Variants in NDST4 observed in about 807,000 individuals in gnomAD.
The protein encoded by NDST4 is N-deacetylase and N-sulfotransferase 4.
In NDST4, 63 loss-of-function variants were observed where a neutral mutation model predicts 100.8. That is an observed-to-expected ratio of 0.62 (90% confidence interval 0.51 to 0.77). The LOEUF (loss-of-function observed/expected upper bound fraction) is 0.77, where lower values mean the gene tolerates loss of function less well. Ranked by LOEUF, NDST4 falls within the 30% of genes least tolerant of loss-of-function variation. NDST4 has a pLI of 0.00. For missense variants in NDST4, 943 were observed against 1,018.4 expected (o/e 0.93, Z 1.01); for synonymous variants, 377 against 361.8 (o/e 1.04, Z -0.48).
chr4:114,979,466 A>T (rs1180686588), intron 2 of NDST4, among the ~76,000 whole-genome samples: 2 of 150,932 alleles, frequency 1.3e-5, no homozygotes, highest in African/African-American at 4.8e-5. Flanking sequence ...AGTATGATAA[A>T]AGTACATACT....
chr4:115,060,368 T>C (rs909857756), intron 2 of NDST4, among the ~76,000 whole-genome samples: 5 of 151,928 alleles, frequency 3.3e-5, no homozygotes, highest in African/African-American at 1.2e-4. Flanking sequence ...ACTGTGAAAA[T>C]GAAAAATGCA....
chr4:114,839,234 G>T, intron 11 of NDST4, 144 bp downstream of exon 11: 1 of 619,042 alleles, frequency 1.6e-6, no homozygotes, highest in Non-Finnish European at 2.5e-6. Context: ...ACTGTCTCTG[G>T]CAATGTTAAT....
At chr4:114,922,995 T>C (rs1725319915) in intron 6 of NDST4, among the ~76,000 whole-genome samples, 1 of 152,116 alleles carries the variant, frequency 6.6e-6, no homozygotes, top group Non-Finnish European at 1.5e-5. Flanking sequence ...AGAGATGAAA[T>C]CTGATAGACA....
At chr4:114,941,035 G>C (rs964080036) in intron 4 of NDST4, among the ~76,000 whole-genome samples, 1 of 152,190 alleles carries the variant, frequency 6.6e-6, no homozygotes, top group African/African-American at 2.4e-5. Flanking sequence ...ACTTTGGGCC[G>C]CAGTCCCAGG....
intron 1 of NDST4, among the ~76,000 whole-genome samples, chr4:115,085,329 C>T (rs1259934719): frequency 6.6e-6 from 1 of 152,122 alleles, no homozygotes; most frequent in East Asian, 1.9e-4. Context: ...TGCCTTGTCT[C>T]ATATGAGACT....
intron 6 of NDST4, among the ~76,000 whole-genome samples, chr4:114,872,658 G>A (rs994503495): frequency 6.6e-6 from 1 of 151,870 alleles, no homozygotes; most frequent in African/African-American, 2.4e-5. Flanking sequence ...TATGTACTAA[G>A]CAGGATTCTA....
rs1479321258 is a variant in NDST4, at chr4:114,845,977, G to A, written c.1961C>T (p.Thr654Ile). ...GIDWYMDFFP[T>I]PSNTTSDFLF... ...AAAGTCACTTGTAGTATTGGATGGT[G>A]TAGGGAAAAAGTCCATATACCTGAA... is the stretch of plus-strand genomic sequence containing the variant. Residue 654 changes from threonine to isoleucine, a missense_variant, in exon 10 of 14, where the codon ACA (threonine) becomes ATA (isoleucine). By Grantham distance (89) the Thr-to-Ile change is moderately conservative. Around this residue, in one of 2 missense-constraint regions of NDST4, gnomAD observed 526 missense variants for 634.1 expected, o/e 0.83. Transcript: ENST00000264363. 1 of 1,608,524 alleles carries A rather than the reference G, an allele frequency of 6.2e-7. No individual in the cohort carries two copies. Among genetic ancestry groups the A allele is most frequent in the South Asian group, 1.1e-5 (1 of 90,736 alleles).
chr4:115,038,201 A>G (rs148463035), intron 2 of NDST4, among the ~76,000 whole-genome samples: 1 of 152,302 alleles, frequency 6.6e-6, no homozygotes, highest in African/African-American at 2.4e-5. Flanking sequence ...CTACTGTAAT[A>G]AATTTTAGAA....
intron 6 of NDST4, among the ~76,000 whole-genome samples, chr4:114,872,262 C>T (rs1052376304): frequency 1.3e-5 from 2 of 151,782 alleles, no homozygotes; most frequent in East Asian, 3.9e-4. Flanking sequence ...TTATCTTGTA[C>T]CAGAATTTAG....
At chr4:115,103,474 A>G (rs913634815) in intron 1 of NDST4, among the ~76,000 whole-genome samples, 1 of 152,102 alleles carries the variant, frequency 6.6e-6, no homozygotes, top group Admixed American at 6.6e-5. Context: ...AAGACTTACA[A>G]AGAATCTTAC....
intron 2 of NDST4, among the ~76,000 whole-genome samples, chr4:115,031,219 T>C (rs2126269746): frequency 6.6e-6 from 1 of 152,248 alleles, no homozygotes; most frequent in East Asian, 1.9e-4. Context: ...TCATTTGTTA[T>C]TCCTCTACCT....
At chr4:115,064,465 T>C (rs1197627455) in intron 2 of NDST4, among the ~76,000 whole-genome samples, 1 of 152,052 alleles carries the variant, frequency 6.6e-6, no homozygotes, top group East Asian at 1.9e-4. Flanking sequence ...ACAGTGATGG[T>C]AGGAGGCACT....
In NDST4 at chr4:115,008,649, C is replaced by T. The variant is rs1437464531; in HGVS notation, c.979-31375G>A. Among the ~76,000 whole-genome samples, 2 of 128,358 alleles carry T rather than the reference C, an allele frequency of 1.6e-5. 1 individual carries two copies. The highest frequency in any genetic ancestry group is 5.9e-5 in the African/African-American group (2 of 33,786). 84.2% of individuals were successfully genotyped at this position (128,358 alleles called of 152,430 possible). ...AAGACAGGGATGCCCTCTCTCACCACTCCTATTCAACATAGTGTTGGAAGT... is the reference window on the plus strand; with the variant it reads ...AAGACAGGGATGCCCTCTCTCACCATTCCTATTCAACATAGTGTTGGAAGT... On this transcript the variant is annotated intron_variant, in intron 2 of 13. Transcript: ENST00000264363.
intron 1 of NDST4, among the ~76,000 whole-genome samples, chr4:115,092,328 CCATGACTTGG>C (rs1475027765): frequency 6.6e-6 from 1 of 152,072 alleles, no homozygotes; most frequent in Non-Finnish European, 1.5e-5. Context: ...GTAGGCATGC[CCATGACTTGG>C]CTGTGAGGGA....
At chr4:115,003,078 A>G (rs2620416) in intron 2 of NDST4, among the ~76,000 whole-genome samples, 131,936 of 152,042 alleles carry the variant, frequency 0.87, 57,725 homozygotes, top group African/African-American at 0.91. Context: ...GGGCCTGACC[A>G]GGGCTGCAGG....
intron 2 of NDST4, among the ~76,000 whole-genome samples, chr4:115,038,778 C>T (rs1728287086): frequency 6.6e-6 from 1 of 152,038 alleles, no homozygotes; most frequent in Admixed American, 6.6e-5. Flanking sequence ...GAGTTCAAGA[C>T]CAGCTTGGGC....
intron 2 of NDST4, among the ~76,000 whole-genome samples, chr4:115,033,144 T>C (rs969574737): frequency 7.7e-6 from 1 of 129,162 alleles, no homozygotes; most frequent in African/African-American, 3.2e-5. Flanking sequence ...TATATATATA[T>C]ATATATATAT....
intron 12 of NDST4, among the ~76,000 whole-genome samples, chr4:114,830,205 AAT>A (rs1167136529): frequency 6.6e-6 from 1 of 152,152 alleles, no homozygotes; most frequent in Non-Finnish European, 1.5e-5. Context: ...CAATAACTGA[AAT>A]TACAGCCAAT....
intron 2 of NDST4, among the ~76,000 whole-genome samples, chr4:115,018,348 T>A (rs969054832): frequency 6.6e-6 from 1 of 151,960 alleles, no homozygotes; most frequent in African/African-American, 2.4e-5. Context: ...AAAATGGAAA[T>A]ATCTTAATTT....
Sources: allele counts gnomAD v4.1 joint callset (sites outside exome capture counted in the v4.1 genomes callset), GRCh38; gene constraint gnomAD v4.1.1; regional missense constraint gnomAD v4.1.1; transcripts MANE v1.5; gene names NCBI Gene and HGNC (gene_info 2026-07-23, HGNC 2026-07-21).